REPS2: variants seen among roughly 807,000 people sequenced by gnomAD.
REPS2 encodes RALBP1 associated Eps domain containing 2.
Under a neutral mutation model 53.6 loss-of-function variants are expected in REPS2, and 23 were observed. That is an observed-to-expected ratio of 0.43 (90% CI 0.31 to 0.61). REPS2 has a LOEUF of 0.61. Among genes scored for constraint, REPS2 ranks in the 20% least tolerant of loss-of-function variants. REPS2 has a pLI of 0.11. For missense variants in REPS2, 446 were observed against 534.9 expected (o/e 0.83, Z 1.64); for synonymous variants, 238 against 218.6 (o/e 1.09, Z -0.78).
At position 17,024,263 on chromosome X, in the gene REPS2, G is replaced by A. The variant is rs369286764; in HGVS notation, c.547-796G>A. ...GATCACGCCACTGTGCCCCAGCCTG[G>A]GTGACAGAGCGAGACCCTGTCTCAA... On this transcript the variant is annotated intron_variant, in intron 3 of 17. Transcript: ENST00000357277. Among the ~76,000 whole-genome samples, 6 of 110,153 alleles carry A rather than the reference G, an allele frequency of 5.4e-5. No homozygotes were observed. The South Asian group carries it at 1.1e-3, about 21-fold the overall frequency.
chrX:16,960,551 A>G (rs763914871), intron 1 of REPS2, among the ~76,000 whole-genome samples: 2 of 112,371 alleles, frequency 1.8e-5, no homozygotes, highest in African/African-American at 6.5e-5. Context: ...GTGGGAGAAA[A>G]CTGAAAGCTT....
chrX:17,045,899 A>G (rs989558088), intron 5 of REPS2, among the ~76,000 whole-genome samples: 13 of 110,762 alleles, frequency 1.2e-4, no homozygotes, highest in Non-Finnish European at 2.5e-4. Context: ...TTCTCTGAAC[A>G]TTGTCAGAGG....
At chrX:16,976,396 T>C (rs2060955495) in intron 1 of REPS2, among the ~76,000 whole-genome samples, 1 of 111,081 alleles carries the variant, frequency 9.0e-6, no homozygotes. Context: ...AAATTATTCC[T>C]CTAGGGTGGC....
At chrX:17,178,391 A>G in the REPS2 span, among the ~76,000 whole-genome samples, 1 of 112,515 alleles carries the variant, frequency 8.9e-6, no homozygotes, top group African/African-American at 3.2e-5. Context: ...AAAGCATAGA[A>G]TAAAAAGCTG....
chrX:17,099,190 A>AT (rs1241635738), intron 13 of REPS2, among the ~76,000 whole-genome samples: 2 of 111,103 alleles, frequency 1.8e-5, no homozygotes, highest in African/African-American at 3.3e-5. Flanking sequence ...TGCCAGTGAC[A>AT]TTTTTTTCAA....
At chrX:17,153,480 T>C (rs1350419424), downstream of REPS2, among the ~76,000 whole-genome samples, 2 of 111,900 alleles carry the variant, frequency 1.8e-5, no homozygotes, top group African/African-American at 6.5e-5. Context: ...ATATCATGGC[T>C]GACTCACAGT....
rs181426522 is a variant in REPS2, at chrX:17,115,955, G to A, written c.1578+12176G>A. Among the ~76,000 whole-genome samples, 194 of 111,607 alleles carry A rather than the reference G, an allele frequency of 1.7e-3. No individual in the cohort carries two copies. In the Admixed American group the frequency reaches 0.018, roughly 10 times the overall value. ...TTCGACACAGACACAGTAACAATCT[G>A]ATCTCTCTTGCTTTTCCCCACACTT... On this transcript the variant is annotated intron_variant, in intron 14 of 17. Coordinates refer to ENST00000357277, the MANE Select transcript of REPS2 (RefSeq NM_004726.3).
At chrX:17,049,060 A>C (rs1397013431) in intron 6 of REPS2, among the ~76,000 whole-genome samples, 1 of 110,024 alleles carries the variant, frequency 9.1e-6, no homozygotes, top group Non-Finnish European at 1.9e-5. Flanking sequence ...ACACCAGGCT[A>C]ATTTTTGTAT....
chrX:16,947,384 ACT>A (rs1421569185), intron 1 of REPS2, among the ~76,000 whole-genome samples: 1 of 107,699 alleles, frequency 9.3e-6, no homozygotes, highest in African/African-American at 3.4e-5. Context: ...ACAGTCTGAC[ACT>A]CTCTCCCCTC....
At chrX:17,147,342 G>A in intron 17 of REPS2, 71 bp from the exon 18 acceptor site, 1 of 847,251 alleles carries the variant, frequency 1.2e-6, no homozygotes, top group Middle Eastern at 2.8e-4. Context: ...TTTTAAATCT[G>A]ATGAAGTAGG....
chrX:17,051,537 G>C (rs1385478531), intron 6 of REPS2, among the ~76,000 whole-genome samples: 4 of 111,737 alleles, frequency 3.6e-5, no homozygotes, highest in Non-Finnish European at 3.8e-5. Flanking sequence ...CCTTTTTATG[G>C]CTGAATAATT....
chrX:17,014,958 A>G (rs1273272997), intron 2 of REPS2, among the ~76,000 whole-genome samples: 1 of 113,388 alleles, frequency 8.8e-6, no homozygotes, highest in African/African-American at 3.2e-5. Flanking sequence ...CTGGGAATGT[A>G]GGTCCTAGCA....
At chrX:17,038,747 G>A (rs2061796377) in intron 5 of REPS2, among the ~76,000 whole-genome samples, 1 of 112,312 alleles carries the variant, frequency 8.9e-6, no homozygotes, top group Admixed American at 9.4e-5. Flanking sequence ...TATTTCACAG[G>A]GAGAGCAGAT....
At chrX:16,965,383 C>T (rs1213435171) in intron 1 of REPS2, among the ~76,000 whole-genome samples, 1 of 112,449 alleles carries the variant, frequency 8.9e-6, no homozygotes, top group African/African-American at 3.2e-5. Context: ...CCACCTCCCT[C>T]CCGGACGAGG....
intron 14 of REPS2, among the ~76,000 whole-genome samples, chrX:17,108,194 A>T (rs1308323509): frequency 2.0e-4 from 21 of 102,822 alleles, no homozygotes; most frequent in African/African-American, 6.9e-4. Context: ...TTTTTTTGAG[A>T]TGGAGTTTCG....
chrX:17,135,097 T>G (rs370187672), intron 15 of REPS2, among the ~76,000 whole-genome samples, 164 bp from the exon 16 acceptor site: 5 of 111,193 alleles, frequency 4.5e-5, no homozygotes, highest in African/African-American at 1.6e-4. Context: ...CACTGGACTC[T>G]GATGCCTGTG....
intron 14 of REPS2, among the ~76,000 whole-genome samples, chrX:17,110,587 G>A (rs774530782): frequency 3.3e-3 from 354 of 108,577 alleles, no homozygotes; most frequent in African/African-American, 0.011. Context: ...AGCTACTCAG[G>A]AGGCTGAGGC....
intron 6 of REPS2, among the ~76,000 whole-genome samples, chrX:17,051,075 T>C (rs2061996170): frequency 9.0e-6 from 1 of 111,589 alleles, no homozygotes; most frequent in African/African-American, 3.3e-5. Flanking sequence ...TTCAATCATT[T>C]TGATTTTTAG....
At chrX:17,057,633 G>T (rs1188248518) in intron 8 of REPS2, among the ~76,000 whole-genome samples, 2 of 112,905 alleles carry the variant, frequency 1.8e-5, no homozygotes, top group African/African-American at 6.4e-5. Context: ...GAATTAGCTT[G>T]CAATTGAGGA....
Sources: gnomAD v4.1 joint callset for allele counts (sites outside exome capture counted in the v4.1 genomes callset) on GRCh38, gnomAD v4.1.1 for gene constraint, MANE v1.5 for transcripts, NCBI Gene and HGNC (gene_info 2026-07-23, HGNC 2026-07-21) for gene names.